Variants in PAX3 observed in about 807,000 individuals in gnomAD.
PAX3 encodes the protein paired box 3, also known as paired box protein Pax-3.
Under a neutral mutation model 51.6 loss-of-function variants are expected in PAX3, and 14 were observed. That is an observed-to-expected ratio of 0.27 (90% CI 0.18 to 0.42). PAX3 has a LOEUF of 0.42. PAX3 is among the 10% of genes least tolerant of loss of function. The pLI is 1.00. For missense variants in PAX3, 540 were observed against 642.8 expected, an observed-to-expected ratio of 0.84 and a Z score of 1.73; for synonymous variants, 280 against 253.4, an observed-to-expected ratio of 1.11 and a Z score of -1.00.
chr2:222,296,909 C>G, intron 2 of PAX3, 69 bp downstream of exon 2: 1 of 1,332,510 alleles, frequency 7.5e-7, no homozygotes, highest in South Asian at 1.2e-5. Context: ...GCCGTTACCC[C>G]CCGCCCGGTC....
chr2:222,292,196 T>C (rs141522470), intron 4 of PAX3, among the ~76,000 whole-genome samples: 92 of 152,372 alleles, frequency 6.0e-4, no homozygotes, highest in African/African-American at 2.0e-3. Context: ...GCAGCAGCTA[T>C]TGGGGCTCAT....
chr2:222,248,365 A>G (rs562531158), intron 4 of PAX3, among the ~76,000 whole-genome samples: 11 of 152,340 alleles, frequency 7.2e-5, no homozygotes, highest in African/African-American at 2.6e-4. Flanking sequence ...GCTACCTTGA[A>G]TACCTTTCTG....
At chr2:222,286,181 A>T (rs1694827949) in intron 4 of PAX3, among the ~76,000 whole-genome samples, 1 of 151,678 alleles carries the variant, frequency 6.6e-6, no homozygotes, top group African/African-American at 2.4e-5. Context: ...CAGGTGATCC[A>T]CCTCCCTCGG....
intron 5 of PAX3, 89 bp downstream of exon 5, chr2:222,231,989 G>T (rs1692613529): frequency 1.7e-6 from 2 of 1,166,002 alleles, no homozygotes; most frequent in Non-Finnish European, 2.6e-6. Context: ...TACATTTTTG[G>T]GGGGGATTGA....
chr2:222,225,471 G>A (rs1181640793), intron 5 of PAX3, among the ~76,000 whole-genome samples: 2 of 152,148 alleles, frequency 1.3e-5, no homozygotes, highest in Non-Finnish European at 2.9e-5. Context: ...AAGCAAACCA[G>A]TTTGTTCAGA....
intron 4 of PAX3, 25 bp downstream of exon 4, chr2:222,294,142 C>T (rs764145652): frequency 2.0e-5 from 33 of 1,613,794 alleles, no homozygotes; most frequent in Non-Finnish European, 2.6e-5. Context: ...CCAGCAAGTG[C>T]GCCGCCCAAG....
At chr2:222,270,632 A>C (rs968991706) in intron 4 of PAX3, among the ~76,000 whole-genome samples, 1 of 152,306 alleles carries the variant, frequency 6.6e-6, no homozygotes, top group South Asian at 2.1e-4. Context: ...AATGTCAGAG[A>C]GCCAGCCAAT....
intron 3 of PAX3, among the ~76,000 whole-genome samples, chr2:222,295,143 GC>G (rs1161222337): frequency 6.6e-6 from 1 of 152,210 alleles, no homozygotes; most frequent in East Asian, 1.9e-4. Context: ...CCACGGCTTT[GC>G]GCACACGGCA....
At chr2:222,288,191 G>T (rs960467259) in intron 4 of PAX3, among the ~76,000 whole-genome samples, 2 of 152,206 alleles carry the variant, frequency 1.3e-5, no homozygotes, top group Non-Finnish European at 2.9e-5. Flanking sequence ...GTCATAAAAT[G>T]ATTCAAGGAA....
intron 4 of PAX3, among the ~76,000 whole-genome samples, chr2:222,276,604 C>G (rs566330285): frequency 2.6e-5 from 4 of 152,202 alleles, no homozygotes; most frequent in African/African-American, 9.7e-5. Flanking sequence ...TCACCTCGCC[C>G]AGAGCTTCCA....
chr2:222,201,731 C>T, intron 8 of PAX3: 1 of 1,459,302 alleles, frequency 6.9e-7, no homozygotes, highest in South Asian at 1.5e-5. Flanking sequence ...CACGTCTCAA[C>T]AATTAATAAC....
At chr2:222,255,046 G>A (rs905601961) in intron 4 of PAX3, among the ~76,000 whole-genome samples, 1 of 152,146 alleles carries the variant, frequency 6.6e-6, no homozygotes, top group East Asian at 1.9e-4. Flanking sequence ...GCCTCCCAAA[G>A]TACTGGGATT....
At chr2:222,240,656 C>T (rs185661060) in intron 4 of PAX3, among the ~76,000 whole-genome samples, 61 of 152,160 alleles carry the variant, frequency 4.0e-4, no homozygotes, top group Non-Finnish European at 4.4e-5. Context: ...ACAAAATACC[C>T]ACCAACCCGT....
intron 7 of PAX3, among the ~76,000 whole-genome samples, chr2:222,210,323 CATG>C (rs1444578691): frequency 1.3e-5 from 2 of 152,154 alleles, no homozygotes; most frequent in African/African-American, 4.8e-5. Flanking sequence ...TTTGATGGTA[CATG>C]ATGTTTTAGC....
intron 2 of PAX3, 122 bp from the exon 3 acceptor site, chr2:222,295,779 G>T: frequency 1.7e-6 from 2 of 1,173,164 alleles, no homozygotes; most frequent in Non-Finnish European, 2.5e-6. Flanking sequence ...GTCCCCCTTT[G>T]TGAGCAAAAA....
At chr2:222,224,607 T>TA (rs1692315978) in intron 5 of PAX3, among the ~76,000 whole-genome samples, 1 of 152,186 alleles carries the variant, frequency 6.6e-6, no homozygotes. Flanking sequence ...AAATGACCTT[T>TA]ACTTTCAATA....
intron 4 of PAX3, among the ~76,000 whole-genome samples, chr2:222,265,543 C>G (rs760666870): frequency 1.3e-5 from 2 of 151,992 alleles, no homozygotes; most frequent in Non-Finnish European, 2.9e-5. Context: ...GTCCTAGCAA[C>G]TCGGGAGGCT....
In PAX3 at chr2:222,221,714, G is replaced by T. The variant is rs540154833; in HGVS notation, c.793-327C>A. 2.0e-5 allele frequency: 7 copies of T among 347,518 alleles called. No individual in the cohort carries two copies. The East Asian group carries it at 4.2e-4, about 21-fold the overall frequency. 21.5% of individuals were successfully genotyped at this position (347,518 alleles called of 1,614,324 possible). The stretch of plus-strand genomic sequence containing the variant: ...CTACCCTCAACATCCACCCACCTAC[G>T]TGTAGACAGCCTTCTGGGGAGGATA... On this transcript the variant is annotated intron_variant, in intron 5 of 8. Coordinates refer to ENST00000392070, the MANE Select transcript of PAX3 (RefSeq NM_181458.4).
At chr2:222,250,439 C>G (rs1693385770) in intron 4 of PAX3, among the ~76,000 whole-genome samples, 1 of 151,874 alleles carries the variant, frequency 6.6e-6, no homozygotes, top group African/African-American at 2.4e-5. Context: ...AATCAAATAC[C>G]ACTAAAAATT....
Sources: allele counts gnomAD v4.1 joint callset (sites outside exome capture counted in the v4.1 genomes callset), GRCh38; gene constraint gnomAD v4.1.1; transcripts MANE v1.5; gene names NCBI Gene and HGNC (gene_info 2026-07-23, HGNC 2026-07-21).